Variants in UBR1 observed in about 807,000 individuals in gnomAD.
UBR1 encodes the protein ubiquitin protein ligase E3 component n-recognin 1.
A neutral mutation model predicts 242.1 loss-of-function variants in UBR1; 102 were observed. The observed-to-expected ratio is 0.42, with a 90% CI of 0.36 to 0.50. The LOEUF is 0.50. UBR1 is among the 20% of genes least tolerant of loss of function. UBR1 has a pLI of 0.01. For synonymous variants in UBR1, 675 were observed against 684.8 expected (o/e 0.99, Z 0.22); for missense variants, 1,772 against 2,101.8 (o/e 0.84, Z 3.07).
At chr15:43,080,521 G>A (rs2141355905) in intron 3 of UBR1, among the ~76,000 whole-genome samples, 1 of 152,258 alleles carries the variant, frequency 6.6e-6, no homozygotes, top group Non-Finnish European at 1.5e-5. Context: ...CCCACCATGT[G>A]TTTTCATGAC....
intron 40 of UBR1, among the ~76,000 whole-genome samples, chr15:42,967,231 T>TG (rs942552168): frequency 6.7e-6 from 1 of 148,972 alleles, no homozygotes; most frequent in Non-Finnish European, 1.5e-5. Flanking sequence ...TTTTTTTTTT[T>TG]TTTTTTTTTT....
At chr15:43,015,071 A>G (rs1228474834) in intron 29 of UBR1, among the ~76,000 whole-genome samples, 2 of 147,794 alleles carry the variant, frequency 1.4e-5, no homozygotes, top group Admixed American at 6.8e-5. Context: ...GGTGGGGGGC[A>G]CCTCGGCCCG....
At chr15:42,949,865 A>G (rs1422243804) in intron 46 of UBR1, among the ~76,000 whole-genome samples, 1 of 145,264 alleles carries the variant, frequency 6.9e-6, no homozygotes, top group Non-Finnish European at 1.5e-5. Flanking sequence ...TTTTTTTTTT[A>G]GACAGAATCT....
intron 37 of UBR1, among the ~76,000 whole-genome samples, chr15:42,982,370 C>T (rs16957292): frequency 0.027 from 4,096 of 152,074 alleles, 179 homozygotes; most frequent in African/African-American, 0.088. Flanking sequence ...CAAAGACAGG[C>T]GCATGTGACA....
chr15:43,096,390 G>A (rs755790418), intron 1 of UBR1, among the ~76,000 whole-genome samples: 1 of 152,150 alleles, frequency 6.6e-6, no homozygotes, highest in Non-Finnish European at 1.5e-5. Flanking sequence ...TCAAACTCCT[G>A]ACCTTAGGCA....
chr15:43,094,481 CTTTT>C (rs756603830), intron 1 of UBR1, among the ~76,000 whole-genome samples: 1 of 151,296 alleles, frequency 6.6e-6, no homozygotes, highest in Non-Finnish European at 1.5e-5. Context: ...TTCTCACATT[CTTTT>C]TTTCTTTTTA....
At chr15:43,092,707 C>A (rs954547098) in intron 1 of UBR1, among the ~76,000 whole-genome samples, 11 of 152,140 alleles carry the variant, frequency 7.2e-5, no homozygotes, top group Admixed American at 7.2e-4. Context: ...GCGCGTGCCA[C>A]CCCAACCAGC....
chr15:43,043,739 G>T (rs1446183491), intron 14 of UBR1, among the ~76,000 whole-genome samples: 1 of 152,210 alleles, frequency 6.6e-6, no homozygotes, highest in Non-Finnish European at 1.5e-5. Context: ...GGGCCACCAT[G>T]CCCAGCATAA....
intron 12 of UBR1, among the ~76,000 whole-genome samples, chr15:43,049,174 G>A (rs2033521785): frequency 6.6e-6 from 1 of 152,100 alleles, no homozygotes; most frequent in South Asian, 2.1e-4. Flanking sequence ...TGCAGGTGTT[G>A]GGAACATAAA....
At chr15:42,949,538 C>T (rs897309252) in intron 46 of UBR1, among the ~76,000 whole-genome samples, 3 of 151,992 alleles carry the variant, frequency 2.0e-5, no homozygotes, top group Non-Finnish European at 4.4e-5. Context: ...GTGGCTCATG[C>T]CTGTAATCCC....
intron 29 of UBR1, among the ~76,000 whole-genome samples, chr15:43,009,466 T>G (rs1006247870): frequency 6.6e-6 from 1 of 152,194 alleles, no homozygotes; most frequent in Non-Finnish European, 1.5e-5. Flanking sequence ...TTGGCAGGCA[T>G]GGGATCCAGG....
chr15:43,039,679 C>A (rs1449258732), intron 15 of UBR1, among the ~76,000 whole-genome samples: 1 of 152,130 alleles, frequency 6.6e-6, no homozygotes, highest in Non-Finnish European at 1.5e-5. Flanking sequence ...TTTCTTTCTC[C>A]TGCCTGACTG....
chr15:43,039,333 T>G (rs890078750), intron 15 of UBR1, among the ~76,000 whole-genome samples: 2 of 152,238 alleles, frequency 1.3e-5, no homozygotes, highest in African/African-American at 4.8e-5. Context: ...TTCCATTTGT[T>G]TGTGTCCTCT....
At chr15:43,104,409 T>C (rs1277819937) in intron 1 of UBR1, among the ~76,000 whole-genome samples, 1 of 152,206 alleles carries the variant, frequency 6.6e-6, no homozygotes, top group Non-Finnish European at 1.5e-5. Context: ...AAACTACCAT[T>C]AAAATGTTTC....
chr15:43,005,184 G>A (rs1329109478), intron 30 of UBR1, among the ~76,000 whole-genome samples: 5 of 151,640 alleles, frequency 3.3e-5, no homozygotes, highest in African/African-American at 1.2e-4. Context: ...CCGCCCAGCA[G>A]CCGCCCCATC....
At chr15:43,041,945 C>G (rs1306846311) in intron 15 of UBR1, among the ~76,000 whole-genome samples, 1 of 152,080 alleles carries the variant, frequency 6.6e-6, no homozygotes, top group African/African-American at 2.4e-5. Context: ...TCACTAATCA[C>G]TAGGGACACG....
At chr15:43,105,885 A>C in intron 1 of UBR1, 57 bp downstream of exon 1, 13 of 1,527,210 alleles carry the variant, frequency 8.5e-6, no homozygotes, top group Non-Finnish European at 1.2e-5. Context: ...CATCCTCCTA[A>C]GCGCAGTAGG....
intron 15 of UBR1, among the ~76,000 whole-genome samples, chr15:43,042,641 G>A (rs2033434998): frequency 6.6e-6 from 1 of 152,114 alleles, no homozygotes; most frequent in South Asian, 2.1e-4. Context: ...GGTGGTGATG[G>A]TTGTAGAAAA....
chr15:43,067,715 A>G (rs2033771290), intron 6 of UBR1, among the ~76,000 whole-genome samples, 183 bp downstream of exon 6: 1 of 152,206 alleles, frequency 6.6e-6, no homozygotes, highest in Non-Finnish European at 1.5e-5. Flanking sequence ...GAAAGTTATA[A>G]ATAGTTATTT....
Sources: allele counts gnomAD v4.1 joint callset (sites outside exome capture counted in the v4.1 genomes callset), GRCh38; gene constraint gnomAD v4.1.1; transcripts MANE v1.5; gene names NCBI Gene and HGNC (gene_info 2026-07-23, HGNC 2026-07-21).